CORO2A: variants seen among roughly 807,000 people sequenced by gnomAD.
CORO2A encodes coronin 2A, also known as coronin-2A.
In CORO2A, 47 loss-of-function variants were observed where a neutral mutation model predicts 62.4. The ratio of observed to expected loss-of-function variants is 0.75; its 90% CI spans 0.60 to 0.96. The LOEUF (loss-of-function observed/expected upper bound fraction) is 0.96, where lower values mean the gene tolerates loss of function less well. Among genes scored for constraint, CORO2A ranks in the 40% least tolerant of loss-of-function variants. The pLI is 0.00. For synonymous variants in CORO2A, 273 were observed against 268.9 expected (o/e 1.02, Z -0.15); for missense variants, 610 against 684.1 (o/e 0.89, Z 1.21).
chr9:98,134,805 C>A lies in CORO2A; in HGVS notation c.468+1G>T. The stretch of plus-strand genomic sequence containing the variant: ...CCCAGAGAAAGAATACCCAGACTCA[C>A]CTTGTAGTCATAGCCAGCACTGAAG... On this transcript the variant is annotated splice_donor_variant, in intron 4 of 11. Transcript: ENST00000375077. LOFTEE classifies it high-confidence loss of function. The A allele has an allele frequency of 1.2e-6, 2 of 1,610,012 alleles. No individual in the cohort carries two copies. The highest frequency in any genetic ancestry group is 1.7e-6 in the Non-Finnish European group (2 of 1,177,720).
intron 1 of CORO2A, among the ~76,000 whole-genome samples, chr9:98,177,457 GTTTT>G (rs1174402008): frequency 1.1e-3 from 112 of 98,294 alleles, no homozygotes; most frequent in Middle Eastern, 7.4e-3. Context: ...TCCAAACTTT[GTTTT>G]TTTTTTTTTT....
intron 4 of CORO2A, among the ~76,000 whole-genome samples, chr9:98,134,079 G>A (rs1370480438): frequency 6.6e-6 from 1 of 152,098 alleles, no homozygotes; most frequent in African/African-American, 2.4e-5. Context: ...CCAACACAGA[G>A]GGTCCCGAGG....
chr9:98,129,052 C>A (rs560338413), intron 8 of CORO2A, among the ~76,000 whole-genome samples: 1 of 152,270 alleles, frequency 6.6e-6, no homozygotes, highest in African/African-American at 2.4e-5. Flanking sequence ...CCTGCCTTAG[C>A]GTCCCAAGTA....
At chr9:98,144,959 C>A (rs372388067) in intron 2 of CORO2A, among the ~76,000 whole-genome samples, 2 of 152,026 alleles carry the variant, frequency 1.3e-5, no homozygotes, top group Admixed American at 1.3e-4. Flanking sequence ...GACCAGGGAC[C>A]GCCCAGAGGA....
At chr9:98,128,990 TG>T (rs1190201327) in intron 8 of CORO2A, among the ~76,000 whole-genome samples, 2 of 152,214 alleles carry the variant, frequency 1.3e-5, no homozygotes, top group African/African-American at 4.8e-5. Context: ...TGGAGTGCAG[TG>T]GCACAATCAT....
chr9:98,139,290 A>C (rs933784269), intron 2 of CORO2A, among the ~76,000 whole-genome samples: 1 of 151,990 alleles, frequency 6.6e-6, no homozygotes, highest in Non-Finnish European at 1.5e-5. Context: ...AAAACGGTGA[A>C]TTTTCCAACA....
At position 98,154,352 on chromosome 9, in the gene CORO2A, T is replaced by TATATATATAC. The variant is rs71369555; in HGVS notation, c.201+3107_201+3108insGTATATATAT. Among the ~76,000 whole-genome samples the TATATATATAC allele has an allele frequency of 1.9e-3, 181 of 94,044 alleles. 4 individuals are homozygous for TATATATATAC. Among genetic ancestry groups the TATATATATAC allele is most frequent in the East Asian group, 0.012 (26 of 2,200 alleles). The allele number at this position is 94,044 out of a possible 152,430, so 61.7% of individuals were successfully genotyped here. ...GTGTATATATATATATATATATATA[T>TATATATATAC]ACACAAATACATATATATATATATT... is the stretch of plus-strand genomic sequence containing the variant. On this transcript the variant is annotated intron_variant, in intron 2 of 11. Coordinates refer to ENST00000375077, the MANE Select transcript of CORO2A (RefSeq NM_052820.4).
chr9:98,154,265 G>C (rs1177936855), intron 2 of CORO2A, among the ~76,000 whole-genome samples: 2 of 146,078 alleles, frequency 1.4e-5, no homozygotes, highest in Non-Finnish European at 3.0e-5. Flanking sequence ...TCTGTTCCTT[G>C]AAAGTTTTGT....
chr9:98,170,598 C>T (rs1205491757), intron 1 of CORO2A, among the ~76,000 whole-genome samples: 4 of 152,226 alleles, frequency 2.6e-5, no homozygotes, highest in South Asian at 2.1e-4. Flanking sequence ...TGCACCACCA[C>T]GCCTGGCTAA....
chr9:98,126,567 T>C lies in CORO2A; in HGVS notation c.1428A>G (p.Pro476=). The C allele has an allele frequency of 6.2e-7, 1 of 1,613,790 alleles. No individual in the cohort carries two copies. The highest frequency in any genetic ancestry group is 8.5e-7 in the Non-Finnish European group (1 of 1,179,800). Residue 476 remains proline, a synonymous_variant, in exon 11 of 12, where the codon CCA becomes CCG. Transcript: ENST00000375077. ...TTCACACCTCATTCTCTGTCTTTGG[T>C]GGGGGGCATTCGAAAACGTCAAAGC... ...TNGFDVFECP[P]PKTENELLQM... is the part of the protein sequence containing the mutation.
intron 2 of CORO2A, among the ~76,000 whole-genome samples, chr9:98,154,329 G>GTGTGTATATATATATATATATATA (rs1439685527): frequency 2.2e-5 from 2 of 88,950 alleles, no homozygotes; most frequent in African/African-American, 1.1e-4. Context: ...GTGTTTGTGT[G>GTGTGTATATATATATATATATATA]TATATATATA....
intron 2 of CORO2A, among the ~76,000 whole-genome samples, chr9:98,144,613 A>C (rs1827617540): frequency 6.6e-6 from 1 of 152,240 alleles, no homozygotes; most frequent in Non-Finnish European, 1.5e-5. Flanking sequence ...GGAGAGGCAC[A>C]CAAGAGACCT....
chr9:98,157,654 A>C lies in CORO2A; in HGVS notation c.7T>G (p.Trp3Gly). Residue 3 changes from tryptophan (W) to glycine (G), a missense_variant, in exon 2 of 12, where the codon TGG becomes GGG. Trp to Gly is a radical substitution (Grantham distance 184). Transcript: ENST00000375077. Reference sequence around the variant, plus strand: ...TTGGAGCTCCGGTACTGGGGGTGCCATGACATCTGCAGGAGACAAATGGGA... The same window carrying C: ...TTGGAGCTCCGGTACTGGGGGTGCCCTGACATCTGCAGGAGACAAATGGGA... MSWHPQYRSSKFR... is the reference protein window; with the variant it reads MSGHPQYRSSKFR... 6.2e-7 allele frequency: 1 copy of C among 1,612,820 alleles called. No homozygotes were observed. The highest frequency in any genetic ancestry group is 8.5e-7 in the Non-Finnish European group (1 of 1,179,230).
intron 6 of CORO2A, 59 bp from the exon 7 acceptor site, chr9:98,131,118 C>T: frequency 8.6e-7 from 1 of 1,157,404 alleles, no homozygotes; most frequent in Non-Finnish European, 1.3e-6. Context: ...CTCAGTGGTG[C>T]TCCCGGAGAT....
At chr9:98,138,762 G>T (rs977645547) in intron 2 of CORO2A, among the ~76,000 whole-genome samples, 1 of 152,100 alleles carries the variant, frequency 6.6e-6, no homozygotes, top group African/African-American at 2.4e-5. Context: ...GAAAAATGCA[G>T]AACGGGCTGG....
intron 1 of CORO2A, among the ~76,000 whole-genome samples, chr9:98,192,250 G>C (rs1028367644): frequency 6.6e-6 from 1 of 152,246 alleles, no homozygotes; most frequent in Non-Finnish European, 1.5e-5. Flanking sequence ...GGCAGGAGGG[G>C]TGGGCGGTGC....
At chr9:98,188,782 C>T (rs1432886257) in intron 1 of CORO2A, among the ~76,000 whole-genome samples, 2 of 151,926 alleles carry the variant, frequency 1.3e-5, no homozygotes, top group African/African-American at 4.8e-5. Context: ...AAAACAACAA[C>T]AACAACAAAA....
chr9:98,192,611 T>G lies in CORO2A; in HGVS notation c.-53A>C, dbSNP rs1331589225. Reference sequence around the variant, plus strand: ...GGCGGCGGCGGCGTCCAGCTCCGGCTCCGCGCTCCTCGCCGCCCGCCGACT... The same window carrying G: ...GGCGGCGGCGGCGTCCAGCTCCGGCGCCGCGCTCCTCGCCGCCCGCCGACT... On this transcript the variant is annotated 5_prime_UTR_variant, in exon 1 of 12. Transcript: ENST00000375077. The G allele has an allele frequency of 2.0e-5, 3 of 150,076 alleles. No individual in the cohort carries two copies. The highest frequency in any genetic ancestry group is 7.3e-5 in the African/African-American group (3 of 41,162). The allele number at this position is 150,076 out of a possible 1,614,324, so 9.3% of individuals were successfully genotyped here.
intron 1 of CORO2A, among the ~76,000 whole-genome samples, chr9:98,171,527 G>T (rs1828035322): frequency 6.6e-6 from 1 of 152,218 alleles, no homozygotes; most frequent in Non-Finnish European, 1.5e-5. Flanking sequence ...CATGTAACCA[G>T]CAAGCTCAAT....
Sources: gnomAD v4.1 joint callset for allele counts (sites outside exome capture counted in the v4.1 genomes callset) on GRCh38, gnomAD v4.1.1 for gene constraint, MANE v1.5 for transcripts, NCBI Gene and HGNC (gene_info 2026-07-23, HGNC 2026-07-21) for gene names.